Variants in BMPR1B observed in about 807,000 individuals in gnomAD.
BMPR1B encodes the protein bone morphogenetic protein receptor type-1B.
BMPR1B carries 12 observed loss-of-function variants against 59.1 expected under a neutral mutation model. The ratio of observed to expected loss-of-function variants is 0.20; its 90% confidence interval spans 0.13 to 0.33. The LOEUF (loss-of-function observed/expected upper bound fraction) is 0.33. Ranked by LOEUF, BMPR1B falls within the 10% of genes least tolerant of loss-of-function variation. BMPR1B has a pLI of 1.00. For synonymous variants in BMPR1B, 237 were observed against 207.3 expected (o/e 1.14, Z -1.23); for missense variants, 550 against 610.9 (o/e 0.90, Z 1.05).
chr4:95,061,160 A>AAC (rs58119571), intron 3 of BMPR1B, among the ~76,000 whole-genome samples: 4,651 of 142,540 alleles, frequency 0.033, 85 homozygotes, highest in Middle Eastern at 0.063. Flanking sequence ...ATTTAGAATA[A>AAC]ACACACACAC....
At chr4:94,974,345 A>G (rs1560574848) in intron 2 of BMPR1B, among the ~76,000 whole-genome samples, 1 of 147,934 alleles carries the variant, frequency 6.8e-6, no homozygotes, top group Admixed American at 6.7e-5. Flanking sequence ...CATTTTTTAT[A>G]GAAGAGTCAT....
intron 1 of BMPR1B, among the ~76,000 whole-genome samples, chr4:94,772,647 T>C (rs1443336711): frequency 6.6e-6 from 1 of 152,160 alleles, no homozygotes; most frequent in Non-Finnish European, 1.5e-5. Flanking sequence ...TTGTAACAAA[T>C]AGAAAGCTTC....
intron 1 of BMPR1B, among the ~76,000 whole-genome samples, chr4:94,866,476 C>T (rs192375064): frequency 6.5e-4 from 99 of 152,280 alleles, no homozygotes; most frequent in African/African-American, 2.3e-3. Flanking sequence ...TCTCTTTTCC[C>T]GTCCAAAATC....
At chr4:94,793,009 T>TTA (rs1723041445) in intron 1 of BMPR1B, among the ~76,000 whole-genome samples, 1 of 152,080 alleles carries the variant, frequency 6.6e-6, no homozygotes, top group Non-Finnish European at 1.5e-5. Context: ...GAAAACTTTT[T>TTA]TTTTCTTTTT....
chr4:94,836,647 T>G (rs2148929452), intron 1 of BMPR1B, among the ~76,000 whole-genome samples: 1 of 147,048 alleles, frequency 6.8e-6, no homozygotes, highest in South Asian at 2.2e-4. Context: ...CATTGTAGAT[T>G]CTGGATATTA....
intron 2 of BMPR1B, among the ~76,000 whole-genome samples, chr4:94,981,278 A>C (rs2042111167): frequency 6.6e-6 from 1 of 151,840 alleles, no homozygotes; most frequent in African/African-American, 2.4e-5. Context: ...ATCACTGCTC[A>C]CTGCAGCCTT....
At chr4:95,009,711 G>A (rs1051628157) in intron 3 of BMPR1B, among the ~76,000 whole-genome samples, 3 of 152,084 alleles carry the variant, frequency 2.0e-5, no homozygotes, top group Non-Finnish European at 4.4e-5. Context: ...TATCTGAGGG[G>A]CCCTTCATAG....
intron 2 of BMPR1B, among the ~76,000 whole-genome samples, chr4:94,936,490 G>T (rs777762426): frequency 4.6e-5 from 7 of 152,044 alleles, no homozygotes; most frequent in East Asian, 1.9e-4. Flanking sequence ...CAGGTTTTTT[G>T]TTGTTGTTGT....
At chr4:94,962,072 TTTCCTTCCTTCCTTCCTTCCTTCCTTCC>T (rs199574448) in intron 2 of BMPR1B, among the ~76,000 whole-genome samples, 3 of 117,960 alleles carry the variant, frequency 2.5e-5, no homozygotes, top group African/African-American at 7.1e-5. Flanking sequence ...CTTTCTTTTC[TTTCCTTCCTTCCTTCCTTCCTTCCTTCC>T]TTCCTTCCTT....
intron 2 of BMPR1B, among the ~76,000 whole-genome samples, chr4:94,959,033 G>T (rs1034950369): frequency 2.6e-5 from 4 of 152,162 alleles, no homozygotes; most frequent in Non-Finnish European, 5.9e-5. Flanking sequence ...TGGAAGTCTT[G>T]AGAAGGTAGG....
intron 2 of BMPR1B, among the ~76,000 whole-genome samples, chr4:94,965,681 AT>A (rs1244389422): frequency 6.6e-6 from 1 of 152,206 alleles, no homozygotes; most frequent in African/African-American, 2.4e-5. Context: ...CCCTGAATTT[AT>A]CTGGCAGTAC....
chr4:94,832,708 A>G (rs189712799), intron 1 of BMPR1B, among the ~76,000 whole-genome samples: 6 of 152,294 alleles, frequency 3.9e-5, no homozygotes, highest in Admixed American at 3.9e-4. Flanking sequence ...CCTTGAACTC[A>G]GGAAGCAGAG....
At chr4:95,075,928 G>C (rs1728674242) in intron 3 of BMPR1B, among the ~76,000 whole-genome samples, 1 of 152,040 alleles carries the variant, frequency 6.6e-6, no homozygotes, top group Admixed American at 6.6e-5. Context: ...TGAAGGATCA[G>C]ACTTGTTAAT....
At chr4:94,882,337 G>T (rs1172995834) in intron 2 of BMPR1B, among the ~76,000 whole-genome samples, 1 of 152,180 alleles carries the variant, frequency 6.6e-6, no homozygotes, top group Non-Finnish European at 1.5e-5. Flanking sequence ...ATGGGAACAA[G>T]TATAGCTTTG....
chr4:94,838,135 T>C (rs1417478759), intron 1 of BMPR1B, among the ~76,000 whole-genome samples: 2 of 142,214 alleles, frequency 1.4e-5, no homozygotes, highest in African/African-American at 5.3e-5. Flanking sequence ...GATAAGCTTT[T>C]TGATGTGCTG....
At chr4:94,927,313 A>G (rs1262710431) in intron 2 of BMPR1B, among the ~76,000 whole-genome samples, 1 of 152,168 alleles carries the variant, frequency 6.6e-6, no homozygotes, top group Non-Finnish European at 1.5e-5. Context: ...TCCTGCCCTC[A>G]TGGAGCCAGT....
At chr4:94,954,961 C>CT (rs1243242438) in intron 2 of BMPR1B, among the ~76,000 whole-genome samples, 1 of 152,130 alleles carries the variant, frequency 6.6e-6, no homozygotes, top group Non-Finnish European at 1.5e-5. Flanking sequence ...AGTCTGTCTC[C>CT]ATTAGGTCTT....
intron 3 of BMPR1B, among the ~76,000 whole-genome samples, chr4:95,036,704 C>CTT (rs5860386): frequency 2.3e-5 from 3 of 128,094 alleles, no homozygotes; most frequent in African/African-American, 9.0e-5. Flanking sequence ...ATACAATTTC[C>CTT]TTTTTTTTTT....
At chr4:94,863,170 A>G (rs1726067763) in intron 1 of BMPR1B, among the ~76,000 whole-genome samples, 1 of 152,102 alleles carries the variant, frequency 6.6e-6, no homozygotes, top group Non-Finnish European at 1.5e-5. Context: ...AGGGAACAAG[A>G]GACACCGGGG....
Sources: allele counts gnomAD v4.1 joint callset (sites outside exome capture counted in the v4.1 genomes callset), GRCh38; gene constraint gnomAD v4.1.1; transcripts MANE v1.5; gene names NCBI Gene and HGNC (gene_info 2026-07-23, HGNC 2026-07-21).